EIF5B: variants seen among roughly 807,000 people sequenced by gnomAD.
EIF5B encodes eukaryotic translation initiation factor 5B.
EIF5B carries 47 observed loss-of-function variants against 147.5 expected under a neutral mutation model. That is an observed-to-expected ratio of 0.32 (90% CI 0.25 to 0.41). EIF5B has a LOEUF of 0.41. Ranked by LOEUF, EIF5B falls within the 10% of genes least tolerant of loss-of-function variation. The pLI is 1.00. For missense variants in EIF5B, 1,064 were observed against 1,413.2 expected (o/e 0.75, Z 3.96); for synonymous variants, 455 against 456.2 (o/e 1.00, Z 0.03).
intron 1 of EIF5B, among the ~76,000 whole-genome samples, chr2:99,355,027 C>T (rs1323729435): frequency 6.6e-6 from 1 of 152,032 alleles, no homozygotes; most frequent in Non-Finnish European, 1.5e-5. Flanking sequence ...CAGTCTTGAA[C>T]TCTGACCTCA....
chr2:99,356,940 G>T (rs1471432816), intron 1 of EIF5B, among the ~76,000 whole-genome samples: 4 of 152,110 alleles, frequency 2.6e-5, no homozygotes, highest in Non-Finnish European at 4.4e-5. Context: ...TTTTAATTGG[G>T]TTGTTATTGT....
chr2:99,356,744 G>A lies in EIF5B; in HGVS notation c.36-3492G>A, dbSNP rs1054216261. 1.3e-5 allele frequency among the ~76,000 whole-genome samples: 2 copies of A among 152,068 alleles called. 1 individual carries two copies. Among genetic ancestry groups the A allele is most frequent in the South Asian group, 4.1e-4 (2 of 4,822 alleles). On this transcript the variant is annotated intron_variant, in intron 1 of 23. Coordinates refer to ENST00000289371, the MANE Select transcript of EIF5B (RefSeq NM_015904.4). Reference sequence around the variant, plus strand: ...CTTGTTTTGTCTGTGTCCAGCCCCTGCCCCAGAATCAGCCATTTTGCTTTC... The same window carrying A: ...CTTGTTTTGTCTGTGTCCAGCCCCTACCCCAGAATCAGCCATTTTGCTTTC...
intron 18 of EIF5B, 30 bp from the exon 19 acceptor site, chr2:99,394,237 C>T (rs1243038603): frequency 1.9e-6 from 3 of 1,591,900 alleles, no homozygotes; most frequent in Non-Finnish European, 2.6e-6. Context: ...GGTGTGTTGA[C>T]AACCTTATCA....
chr2:99,342,902 G>A (rs2094263499), intron 1 of EIF5B, among the ~76,000 whole-genome samples: 1 of 151,882 alleles, frequency 6.6e-6, no homozygotes, highest in Admixed American at 6.6e-5. Context: ...TCAAAGTGTT[G>A]GGATTACAGG....
At chr2:99,396,652 G>A in intron 21 of EIF5B, 108 bp from the exon 22 acceptor site, 1 of 1,396,646 alleles carries the variant, frequency 7.2e-7, no homozygotes, top group Non-Finnish European at 9.6e-7. Context: ...TGGCCGCTGG[G>A]GAAAGCTGCT....
rs1339172575 is a variant in EIF5B, at chr2:99,400,062, AC to A, written c.*650del. ...CTACCAATAAAGAAAACAGACATCCACCAGTAAGCAAGCTCTGTTAGGCTTC... is the reference window on the plus strand; with the variant it reads ...CTACCAATAAAGAAAACAGACATCCACAGTAAGCAAGCTCTGTTAGGCTTC... On this transcript the variant is annotated 3_prime_UTR_variant, in exon 24 of 24. Transcript: ENST00000289371. The A allele has an allele frequency of 3.9e-5, 6 of 152,266 alleles. No homozygotes were observed. The highest frequency in any genetic ancestry group is 5.9e-5 in the Non-Finnish European group (4 of 68,036). 9.4% of individuals were successfully genotyped at this position (152,266 alleles called of 1,614,324 possible). A position where few individuals can be genotyped will look rare whatever the true frequency, so the allele number is the denominator to read the frequency against.
Position 99,389,711 on chromosome 2 carries a change from T to C in EIF5B, c.2272-7T>C, listed in dbSNP as rs760615221. 3.8e-6 allele frequency: 6 copies of C among 1,582,248 alleles called. No individual in the cohort carries two copies. The East Asian group carries it at 9.0e-5, about 24-fold the overall frequency. On this transcript the variant is annotated splice_polypyrimidine_tract_variant and splice_region_variant and intron_variant, in intron 14 of 23. Coordinates refer to ENST00000289371, the MANE Select transcript of EIF5B (RefSeq NM_015904.4). ...TAGAGATCTTTCTCATGAAAAAACTTTTTCAGATTGATAGGTTATATGATT... is the reference window on the plus strand; with the variant it reads ...TAGAGATCTTTCTCATGAAAAAACTCTTTCAGATTGATAGGTTATATGATT...
intron 1 of EIF5B, among the ~76,000 whole-genome samples, chr2:99,343,789 G>A (rs1001240891): frequency 1.1e-4 from 16 of 151,632 alleles, no homozygotes; most frequent in Admixed American, 2.0e-4. Context: ...ACGTCAGCCT[G>A]GGTGACAGAG....
chr2:99,368,456 T>C, intron 6 of EIF5B, 37 bp from the exon 7 acceptor site: 1 of 1,451,888 alleles, frequency 6.9e-7, no homozygotes, highest in South Asian at 1.2e-5. Flanking sequence ...GACATGCAAG[T>C]AGTATAAGCC....
chr2:99,390,073 G>C, intron 15 of EIF5B, 146 bp from the exon 16 acceptor site: 1 of 1,078,798 alleles, frequency 9.3e-7, no homozygotes, highest in Non-Finnish European at 1.4e-6. Flanking sequence ...TACAGTTAAT[G>C]CTTATAGGAT....
intron 1 of EIF5B, among the ~76,000 whole-genome samples, chr2:99,347,514 T>C (rs1485535783): frequency 6.6e-6 from 1 of 152,062 alleles, no homozygotes; most frequent in Non-Finnish European, 1.5e-5. Context: ...AGTTTTTTTT[T>C]TTTTTAACAG....
At chr2:99,389,179 T>TTG (rs60881427) in intron 14 of EIF5B, among the ~76,000 whole-genome samples, 531 of 152,268 alleles carry the variant, frequency 3.5e-3, no homozygotes, top group African/African-American at 0.012. Flanking sequence ...TTTTGATTGT[T>TTG]TGTTTGGCTA....
At position 99,361,359 on chromosome 2, in the gene EIF5B, A is replaced by G. The variant is rs773780085; in HGVS notation, c.458A>G (p.Lys153Arg). 6.2e-7 allele frequency: 1 copy of G among 1,611,364 alleles called. No individual in the cohort carries two copies. Among genetic ancestry groups the G allele is most frequent in the Non-Finnish European group, 8.5e-7 (1 of 1,179,346 alleles). ...AAACTTCCTAAAAAAGCTAAAGGGA[A>G]AGCTCAAAAATCAAATAAGAAGTGG... ...FNKLPKKAKG[K>R]AQKSNKKWDG... is the part of the protein sequence containing the mutation. Residue 153 changes from lysine (K) to arginine (R), a missense_variant, in exon 4 of 24, where the codon AAA becomes AGA. Lys to Arg is a conservative substitution (Grantham distance 26). Transcript: ENST00000289371.
intron 23 of EIF5B, 98 bp from the exon 24 acceptor site, chr2:99,399,203 TGCTTAA>T: frequency 8.9e-7 from 1 of 1,118,826 alleles, no homozygotes; most frequent in Non-Finnish European, 1.3e-6. Flanking sequence ...TTTTTATTTC[TGCTTAA>T]GCTTTTTAGT....
In EIF5B at chr2:99,398,927, A is replaced by G. The variant is rs746764958; in HGVS notation, c.3555+18A>G. ...TTAGTAAGGTAAGTATTTCAGCAAA[A>G]GTGGCACACTTTAAGCAACAGGGAA... On this transcript the variant is annotated intron_variant, in intron 23 of 23. Coordinates refer to ENST00000289371, the MANE Select transcript of EIF5B (RefSeq NM_015904.4). 2.5e-6 allele frequency: 4 copies of G among 1,609,962 alleles called. No homozygotes were observed. The highest frequency in any genetic ancestry group is 3.4e-6 in the Non-Finnish European group (4 of 1,178,236).
chr2:99,365,373 T>C (rs1674304563), intron 6 of EIF5B, among the ~76,000 whole-genome samples: 1 of 152,212 alleles, frequency 6.6e-6, no homozygotes, highest in Non-Finnish European at 1.5e-5. Flanking sequence ...TGTGCAACTT[T>C]TTCTTACGCA....
At chr2:99,347,750 C>G (rs1423741451) in intron 1 of EIF5B, among the ~76,000 whole-genome samples, 1 of 151,690 alleles carries the variant, frequency 6.6e-6, no homozygotes, top group Non-Finnish European at 1.5e-5. Context: ...ACAGATTCTT[C>G]TCTTGACAAA....
intron 1 of EIF5B, among the ~76,000 whole-genome samples, chr2:99,340,041 G>C (rs1394917159): frequency 3.3e-5 from 5 of 151,930 alleles, no homozygotes; most frequent in Non-Finnish European, 5.9e-5. Context: ...CATTTTGTGA[G>C]TGTGTGTGTG....
At chr2:99,394,676 C>G (rs1553536910) in intron 20 of EIF5B, 43 bp from the exon 21 acceptor site, 2 of 1,609,212 alleles carry the variant, frequency 1.2e-6, no homozygotes, top group Non-Finnish European at 1.7e-6. Flanking sequence ...GTGACATACT[C>G]TGTTTTTCAC....
Sources: gnomAD v4.1 joint callset for allele counts (sites outside exome capture counted in the v4.1 genomes callset) on GRCh38, gnomAD v4.1.1 for gene constraint, MANE v1.5 for transcripts, NCBI Gene and HGNC (gene_info 2026-07-23, HGNC 2026-07-21) for gene names.